Variants in PRIMA1 observed in about 807,000 individuals in gnomAD.
The protein encoded by PRIMA1 is proline rich membrane anchor 1.
PRIMA1 carries 7 observed loss-of-function variants against 17.5 expected under a neutral mutation model. That is an observed-to-expected ratio of 0.40 (90% confidence interval 0.23 to 0.75). The LOEUF (loss-of-function observed/expected upper bound fraction) is 0.75, where lower values mean the gene tolerates loss of function less well. PRIMA1 is among the 30% of genes least tolerant of loss of function. PRIMA1 has a pLI of 0.37. For missense variants in PRIMA1, 200 were observed against 201.8 expected (o/e 0.99, Z 0.05); for synonymous variants, 97 against 77.9 (o/e 1.25, Z -1.29).
chr14:93,758,040 G>T (rs552269897), intron 3 of PRIMA1, among the ~76,000 whole-genome samples: 2 of 152,110 alleles, frequency 1.3e-5, no homozygotes, highest in Non-Finnish European at 2.9e-5. Context: ...AGATACGGGG[G>T]GGTTCCCATG....
At chr14:93,769,566 C>A (rs1884996675) in intron 3 of PRIMA1, among the ~76,000 whole-genome samples, 1 of 152,218 alleles carries the variant, frequency 6.6e-6, no homozygotes, top group African/African-American at 2.4e-5. Context: ...GTCACAGGCT[C>A]ACACTGCGTC....
intron 3 of PRIMA1, among the ~76,000 whole-genome samples, chr14:93,773,455 C>A (rs563327498): frequency 6.6e-6 from 1 of 152,248 alleles, no homozygotes; most frequent in Non-Finnish European, 1.5e-5. Context: ...CCACCCCAGA[C>A]CTACCGAGTC....
At chr14:93,733,689 G>A (rs538271473) in intron 4 of PRIMA1, among the ~76,000 whole-genome samples, 1 of 152,306 alleles carries the variant, frequency 6.6e-6, no homozygotes, top group East Asian at 1.9e-4. Context: ...AAAGAGTAGG[G>A]TTTATCACTA....
intron 4 of PRIMA1, among the ~76,000 whole-genome samples, chr14:93,735,612 G>A (rs1018173859): frequency 1.3e-5 from 2 of 152,024 alleles, no homozygotes; most frequent in African/African-American, 2.4e-5. Flanking sequence ...GCACAAAGAA[G>A]GTGCCTACAA....
At chr14:93,763,989 A>G (rs1375901928) in intron 3 of PRIMA1, among the ~76,000 whole-genome samples, 4 of 151,942 alleles carry the variant, frequency 2.6e-5, no homozygotes, top group African/African-American at 9.7e-5. Flanking sequence ...CGTGTGTCAC[A>G]TTCTTCCTCC....
chr14:93,760,212 T>C (rs960380467), intron 3 of PRIMA1, among the ~76,000 whole-genome samples: 4 of 152,212 alleles, frequency 2.6e-5, no homozygotes, highest in Non-Finnish European at 5.9e-5. Context: ...GACACACACA[T>C]GAGCGGGGAA....
chr14:93,770,447 G>C (rs1885026584), intron 3 of PRIMA1, among the ~76,000 whole-genome samples: 1 of 152,166 alleles, frequency 6.6e-6, no homozygotes, highest in Admixed American at 6.5e-5. Context: ...AGCCACGCTG[G>C]CTCTTCACAC....
intron 3 of PRIMA1, among the ~76,000 whole-genome samples, chr14:93,745,269 A>T (rs2076209975): frequency 6.6e-6 from 1 of 152,124 alleles, no homozygotes; most frequent in Non-Finnish European, 1.5e-5. Context: ...TTTGGCAGGA[A>T]GTCAGACCTC....
rs1595185010 is a variant in PRIMA1, at chr14:93,721,079, G to A, written c.*365C>T. ...CGGACCATCTTTCTTTTGGCTAAAG[G>A]GGGAAGCCTCCCTGCCACAGTAGAA... On this transcript the variant is annotated 3_prime_UTR_variant, in exon 5 of 5. Transcript: ENST00000393140. 1 of 196,508 alleles carries A rather than the reference G, an allele frequency of 5.1e-6. No homozygotes were observed. Among genetic ancestry groups the A allele is most frequent in the African/African-American group, 2.3e-5 (1 of 42,944 alleles). The allele number at this position is 196,508 out of a possible 1,614,324, so 12.2% of individuals were successfully genotyped here.
intron 3 of PRIMA1, among the ~76,000 whole-genome samples, chr14:93,761,833 C>T (rs1884736050): frequency 6.6e-6 from 1 of 152,200 alleles, no homozygotes; most frequent in Admixed American, 6.5e-5. Context: ...CACCCAGATT[C>T]CATTTCTTGG....
intron 3 of PRIMA1, among the ~76,000 whole-genome samples, chr14:93,741,833 C>T (rs1033413128): frequency 2.6e-5 from 4 of 152,092 alleles, no homozygotes; most frequent in Admixed American, 2.0e-4. Flanking sequence ...CCCTCTACCT[C>T]CCAGCCAAGA....
chr14:93,748,535 G>A (rs557445397), intron 3 of PRIMA1, among the ~76,000 whole-genome samples: 2 of 152,296 alleles, frequency 1.3e-5, no homozygotes, highest in South Asian at 4.1e-4. Context: ...GAAGGTGCCA[G>A]CAAAGGAAGG....
At chr14:93,763,895 A>G (rs1476436014) in intron 3 of PRIMA1, among the ~76,000 whole-genome samples, 2 of 151,016 alleles carry the variant, frequency 1.3e-5, no homozygotes, top group Admixed American at 1.3e-4. Flanking sequence ...TCTGTCCTCA[A>G]CTCCAGAGGC....
rs114624248 is a variant in PRIMA1 at position 93,738,674 on chromosome 14, G to A, written c.230-1304C>T. 3.6e-3 allele frequency among the ~76,000 whole-genome samples: 554 copies of A among 152,286 alleles called. 5 individuals carry two copies. The highest frequency in any genetic ancestry group is 0.013 in the African/African-American group (532 of 41,560). ...TCATTATTATGATTTTTATCAAAGT[G>A]TAATCTACATCTAGTGAAATGCACC... On this transcript the variant is annotated intron_variant, in intron 3 of 4. Coordinates refer to ENST00000393140, the MANE Select transcript of PRIMA1 (RefSeq NM_178013.4).
intron 3 of PRIMA1, among the ~76,000 whole-genome samples, chr14:93,761,827 C>T (rs1317029208): frequency 6.6e-6 from 1 of 152,240 alleles, no homozygotes; most frequent in Non-Finnish European, 1.5e-5. Flanking sequence ...GCTGGACACC[C>T]AGATTCCATT....
intron 4 of PRIMA1, 121 bp from the exon 5 acceptor site, chr14:93,721,667 G>A: frequency 1.5e-6 from 1 of 659,918 alleles, no homozygotes; most frequent in South Asian, 1.8e-5. Flanking sequence ...AGTGTCAGAA[G>A]GAAGCCAATG....
chr14:93,727,910 C>T (rs1233658419), intron 4 of PRIMA1, among the ~76,000 whole-genome samples: 7 of 152,230 alleles, frequency 4.6e-5, no homozygotes, highest in African/African-American at 1.2e-4. Context: ...AGCTCCTGGG[C>T]GGTCACGCCC....
At chr14:93,744,951 C>A (rs564529291) in intron 3 of PRIMA1, among the ~76,000 whole-genome samples, 37 of 152,024 alleles carry the variant, frequency 2.4e-4, no homozygotes, top group Non-Finnish European at 5.1e-4. Context: ...CTCTACTGTG[C>A]AGGAGGGAAG....
At chr14:93,744,727 AC>A (rs201440329) in intron 3 of PRIMA1, among the ~76,000 whole-genome samples, 8 of 151,644 alleles carry the variant, frequency 5.3e-5, no homozygotes, top group African/African-American at 1.9e-4. Context: ...TAGCATGGAG[AC>A]CCCCTGTTTC....
Sources: allele counts gnomAD v4.1 joint callset (sites outside exome capture counted in the v4.1 genomes callset), GRCh38; gene constraint gnomAD v4.1.1; transcripts MANE v1.5; gene names NCBI Gene and HGNC (gene_info 2026-07-23, HGNC 2026-07-21).